Variants in GRM5 observed in about 807,000 individuals in gnomAD.
GRM5 encodes glutamate metabotropic receptor 5.
A neutral mutation model predicts 83.1 loss-of-function variants in GRM5; 19 were observed. The ratio of observed to expected loss-of-function variants is 0.23; its 90% CI spans 0.16 to 0.34. The LOEUF (loss-of-function observed/expected upper bound fraction) is 0.34, where lower values mean the gene tolerates loss of function less well. Among genes scored for constraint, GRM5 ranks in the 10% least tolerant of loss-of-function variants. GRM5 has a pLI of 1.00. For missense variants in GRM5, 1,160 were observed against 1,588.3 expected, an observed-to-expected ratio of 0.73 and a Z score of 4.58; for synonymous variants, 675 against 633.6, an observed-to-expected ratio of 1.07 and a Z score of -0.98.
intron 2 of GRM5, among the ~76,000 whole-genome samples, chr11:88,861,221 A>G (rs938913601): frequency 6.6e-5 from 10 of 152,120 alleles, no homozygotes; most frequent in African/African-American, 2.4e-4. Flanking sequence ...ATGGCATCCA[A>G]ACTTTTCATG....
chr11:88,760,037 A>C (rs990733041), intron 3 of GRM5, among the ~76,000 whole-genome samples: 1 of 152,154 alleles, frequency 6.6e-6, no homozygotes, highest in African/African-American at 2.4e-5. Flanking sequence ...ATGGGAACAA[A>C]GATGCAACAT....
intron 3 of GRM5, among the ~76,000 whole-genome samples, chr11:88,767,108 C>A (rs1349966593): frequency 2.0e-5 from 3 of 152,004 alleles, no homozygotes; most frequent in Middle Eastern, 3.4e-3. Flanking sequence ...TTCAGCCTCC[C>A]AGTATGCTGG....
intron 2 of GRM5, among the ~76,000 whole-genome samples, chr11:88,907,615 C>T (rs552118784): frequency 3.9e-5 from 6 of 152,116 alleles, no homozygotes; most frequent in Non-Finnish European, 8.8e-5. Flanking sequence ...TTACATGGAA[C>T]ATTTGTTTAG....
intron 7 of GRM5, among the ~76,000 whole-genome samples, chr11:88,588,055 A>G (rs868511057): frequency 6.6e-6 from 1 of 152,172 alleles, no homozygotes; most frequent in African/African-American, 2.4e-5. Context: ...ACAGATCTGT[A>G]TTTTGGATAC....
At chr11:89,034,133 T>TA (rs1156510661) in intron 2 of GRM5, among the ~76,000 whole-genome samples, 1 of 151,702 alleles carries the variant, frequency 6.6e-6, no homozygotes, top group Non-Finnish European at 1.5e-5. Context: ...ATGGATTTTA[T>TA]AGGTTATTGT....
chr11:88,707,861 A>G (rs1429711915), intron 3 of GRM5, among the ~76,000 whole-genome samples: 5 of 152,108 alleles, frequency 3.3e-5, no homozygotes, highest in Non-Finnish European at 7.4e-5. Context: ...TTGACTGAAG[A>G]GCATTAAGTA....
rs1283955977 is a variant in GRM5, at chr11:88,508,721, T to C, written c.3510A>G (p.Arg1170=). 1.9e-6 allele frequency: 3 copies of C among 1,592,894 alleles called. No individual in the cohort carries two copies. The highest frequency in any genetic ancestry group is 2.8e-5 in the African/African-American group (2 of 72,356). The change falls in exon 10 of 10, where the codon AGA becomes AGG. Residue 1170 remains arginine, a synonymous_variant. Coordinates refer to ENST00000305447, the MANE Select transcript of GRM5 (RefSeq NM_001143831.3). This position sits in a 1 kb window ranked among gnomAD's most constrained non-coding sequence, Gnocchi z 4.2. The part of the protein sequence containing the change: ...LVALTPPSPF[R]DSVDSGSTTP... ...TTGTGCTCCCCGAGTCCACCGAGTCTCTGAAGGGGGACGGCGGGGTGAGAG... is the reference window on the plus strand; with the variant it reads ...TTGTGCTCCCCGAGTCCACCGAGTCCCTGAAGGGGGACGGCGGGGTGAGAG...
chr11:88,601,138 T>A (rs1025824120), intron 5 of GRM5, among the ~76,000 whole-genome samples: 1 of 152,258 alleles, frequency 6.6e-6, no homozygotes, highest in Non-Finnish European at 1.5e-5. Context: ...GTCCTTGCCC[T>A]GTTATTTAAT....
At chr11:88,557,727 C>A (rs561754165) in intron 8 of GRM5, among the ~76,000 whole-genome samples, 1 of 150,696 alleles carries the variant, frequency 6.6e-6, no homozygotes, top group Non-Finnish European at 1.5e-5. Context: ...GTGTATTCCA[C>A]GGTTTTCACG....
chr11:88,647,715 C>G (rs947807808), intron 4 of GRM5, among the ~76,000 whole-genome samples: 5 of 152,094 alleles, frequency 3.3e-5, no homozygotes, highest in Admixed American at 2.6e-4. Context: ...AGTGAACAGG[C>G]AACCTACAAA....
In GRM5 at chr11:88,508,578, C is replaced by T. The variant is rs202102837; in HGVS notation, c.*14G>A. 1 of 1,602,760 alleles carries T rather than the reference C, an allele frequency of 6.2e-7. No homozygotes were observed. Among genetic ancestry groups the T allele is most frequent in the Non-Finnish European group, 8.5e-7 (1 of 1,173,188 alleles). ...CGCTCCGCACGCGCAGGCCGGCGTGCTTTCCAGGGACATTCACAACGACGA... is the reference window on the plus strand; with the variant it reads ...CGCTCCGCACGCGCAGGCCGGCGTGTTTTCCAGGGACATTCACAACGACGA... On this transcript the variant is annotated 3_prime_UTR_variant, in exon 10 of 10. Coordinates refer to ENST00000305447, the MANE Select transcript of GRM5 (RefSeq NM_001143831.3). This position sits in a 1 kb window ranked among gnomAD's most constrained non-coding sequence, Gnocchi z 4.2.
intron 2 of GRM5, among the ~76,000 whole-genome samples, chr11:88,902,973 A>AG (rs1945339756): frequency 6.7e-6 from 1 of 149,774 alleles, no homozygotes; most frequent in African/African-American, 2.5e-5. Context: ...AAAAAAAAAA[A>AG]AAAAAAGCAA....
At chr11:88,902,120 C>G (rs1465147228) in intron 2 of GRM5, among the ~76,000 whole-genome samples, 1 of 151,618 alleles carries the variant, frequency 6.6e-6, no homozygotes, top group Non-Finnish European at 1.5e-5. Flanking sequence ...CTGGCTTAGG[C>G]TGCAGACTGC....
At chr11:89,009,900 CAAAAAAA>C (rs758398638) in intron 2 of GRM5, among the ~76,000 whole-genome samples, 40 of 21,686 alleles carry the variant, frequency 1.8e-3, no homozygotes, top group African/African-American at 2.7e-3. Context: ...GACTCCGTCT[CAAAAAAA>C]AAAAAAAAAA....
chr11:88,873,767 A>C (rs1160747444), intron 2 of GRM5, among the ~76,000 whole-genome samples: 1 of 151,742 alleles, frequency 6.6e-6, no homozygotes, highest in African/African-American at 2.4e-5. Flanking sequence ...ATGTAGAAAG[A>C]TTCCAAAGAA....
intron 7 of GRM5, among the ~76,000 whole-genome samples, chr11:88,570,208 C>A (rs1942958186): frequency 6.6e-6 from 1 of 152,082 alleles, no homozygotes; most frequent in South Asian, 2.1e-4. Flanking sequence ...GGATTCTCAG[C>A]ACACTTTGTA....
At position 88,811,774 on chromosome 11, in the gene GRM5, G is replaced by A. The variant is rs1483675107; in HGVS notation, c.911+38132C>T. Among the ~76,000 whole-genome samples, 4 of 151,958 alleles carry A rather than the reference G, an allele frequency of 2.6e-5. No individual in the cohort carries two copies. The East Asian group carries it at 7.7e-4, about 29-fold the overall frequency. On this transcript the variant is annotated intron_variant, in intron 3 of 9. Coordinates refer to ENST00000305447, the MANE Select transcript of GRM5 (RefSeq NM_001143831.3). Reference sequence around the variant, plus strand: ...ATACCACAGGCACACAATATATGGTGATTTCCTTCCCTCTCCAATCACACC... The same window carrying A: ...ATACCACAGGCACACAATATATGGTAATTTCCTTCCCTCTCCAATCACACC...
chr11:88,908,743 C>A (rs778795773), intron 2 of GRM5, among the ~76,000 whole-genome samples: 3 of 152,038 alleles, frequency 2.0e-5, no homozygotes, highest in African/African-American at 4.8e-5. Context: ...CCTCATTATT[C>A]GACTGTGAAA....
At chr11:88,923,700 T>C (rs1168565807) in intron 2 of GRM5, among the ~76,000 whole-genome samples, 5 of 151,970 alleles carry the variant, frequency 3.3e-5, no homozygotes, top group African/African-American at 1.2e-4. Context: ...AAGAGTATAG[T>C]TGGAATGCCC....
Sources: gnomAD v4.1 joint callset for allele counts (sites outside exome capture counted in the v4.1 genomes callset) on GRCh38, gnomAD v4.1.1 for gene constraint, Gnocchi (gnomAD v3.1) non-coding constraint, MANE v1.5 for transcripts, NCBI Gene and HGNC (gene_info 2026-07-23, HGNC 2026-07-21) for gene names.